Variants in IGSF10 observed in about 807,000 individuals in gnomAD.
IGSF10 encodes calvaria mechanical force protein 608.
In IGSF10, 126 loss-of-function variants were observed where a neutral mutation model predicts 128.2. The ratio of observed to expected loss-of-function variants is 0.98; its 90% CI spans 0.85 to 1.14. The LOEUF (loss-of-function observed/expected upper bound fraction) is 1.14. IGSF10 is among the 50% of genes most tolerant of loss of function. IGSF10 has a pLI of 0.00. For synonymous variants in IGSF10, 1,185 were observed against 1,146.2 expected (o/e 1.03, Z -0.68); for missense variants, 3,295 against 3,149.8 (o/e 1.05, Z -1.10).
the IGSF10 span, among the ~76,000 whole-genome samples, chr3:151,534,452 C>A: frequency 6.6e-6 from 1 of 152,166 alleles, no homozygotes; most frequent in Non-Finnish European, 1.5e-5. Context: ...AGCACATATA[C>A]ACCATGGAAT....
chr3:151,519,759 A>G, the IGSF10 span, among the ~76,000 whole-genome samples: 1 of 151,854 alleles, frequency 6.6e-6, no homozygotes, highest in Non-Finnish European at 1.5e-5. Context: ...TTGCTACTGT[A>G]CTGTGAATGA....
intron 6 of IGSF10, 144 bp downstream of exon 6, chr3:151,444,775 G>A: frequency 1.4e-6 from 1 of 699,442 alleles, no homozygotes; most frequent in Non-Finnish European, 2.3e-6. Context: ...AAATATGCCA[G>A]TGTCAAATGA....
intron 4 of IGSF10, among the ~76,000 whole-genome samples, chr3:151,454,513 G>A (rs1424932922): frequency 6.6e-6 from 1 of 151,982 alleles, no homozygotes; most frequent in African/African-American, 2.4e-5. Flanking sequence ...CATAACTATT[G>A]CAGCTGGGTA....
At chr3:151,455,527 G>A (rs1321041552) in intron 4 of IGSF10, among the ~76,000 whole-genome samples, 1 of 152,056 alleles carries the variant, frequency 6.6e-6, no homozygotes, top group African/African-American at 2.4e-5. Flanking sequence ...TTGTTTCCAT[G>A]GATTTGCCTA....
chr3:151,434,727 T>C (rs1164485533), downstream of IGSF10: 2 of 152,252 alleles, frequency 1.3e-5, no homozygotes, highest in Admixed American at 1.3e-4. Context: ...CCAAATTTCT[T>C]TGCCAGTTCA....
chr3:151,480,040 T>C, the IGSF10 span, among the ~76,000 whole-genome samples: 2 of 152,122 alleles, frequency 1.3e-5, no homozygotes, highest in Non-Finnish European at 2.9e-5. Context: ...TAGCCACATA[T>C]GAAGGTAAGC....
At chr3:151,508,608 G>A in the IGSF10 span, among the ~76,000 whole-genome samples, 1 of 152,146 alleles carries the variant, frequency 6.6e-6, no homozygotes, top group South Asian at 2.1e-4. Context: ...ACAGTGATCT[G>A]TGATCCTATG....
At chr3:151,435,041 A>T (rs1194944324), downstream of IGSF10, 2 of 144,230 alleles carry the variant, frequency 1.4e-5, no homozygotes, top group African/African-American at 5.2e-5. Context: ...CTCCCTGTTA[A>T]TTCTGTATCT....
chr3:151,535,814 A>G, the IGSF10 span, among the ~76,000 whole-genome samples: 1 of 152,170 alleles, frequency 6.6e-6, no homozygotes, highest in African/African-American at 2.4e-5. Context: ...TACATTTTCA[A>G]TAAAGAGAAT....
the IGSF10 span, among the ~76,000 whole-genome samples, chr3:151,481,756 G>A: frequency 2.6e-5 from 4 of 152,022 alleles, no homozygotes; most frequent in South Asian, 2.1e-4. Context: ...TATGACCCAC[G>A]GAAGACTCAG....
chr3:151,438,750 G>T (rs1391638396), intron 7 of IGSF10, among the ~76,000 whole-genome samples, 153 bp from the exon 8 acceptor site: 4 of 151,160 alleles, frequency 2.6e-5, no homozygotes, highest in African/African-American at 9.8e-5. Context: ...TTTTGAGAGA[G>T]ATATATATAC....
chr3:151,434,633 T>C (rs1257704973), downstream of IGSF10: 1 of 152,242 alleles, frequency 6.6e-6, no homozygotes, highest in Non-Finnish European at 1.5e-5. Flanking sequence ...AAGTAATATA[T>C]CTATATAATG....
the IGSF10 span, among the ~76,000 whole-genome samples, chr3:151,536,796 T>A: frequency 6.6e-6 from 1 of 152,224 alleles, no homozygotes. Flanking sequence ...TTTTGAAGTC[T>A]TAATTCTGTA....
At chr3:151,595,708 C>T in the IGSF10 span, among the ~76,000 whole-genome samples, 3 of 144,286 alleles carry the variant, frequency 2.1e-5, no homozygotes, top group African/African-American at 5.2e-5. Context: ...TGAGTGATCT[C>T]ACTGATATCT....
intron 5 of IGSF10, among the ~76,000 whole-genome samples, chr3:151,451,095 A>G (rs1257760356): frequency 2.6e-5 from 4 of 152,084 alleles, no homozygotes; most frequent in Non-Finnish European, 5.9e-5. Context: ...CAGGCCTTGG[A>G]CATCAGGTAT....
At chr3:151,461,701 C>G (rs1480817923), upstream of IGSF10, among the ~76,000 whole-genome samples, 1 of 152,172 alleles carries the variant, frequency 6.6e-6, no homozygotes, top group Non-Finnish European at 1.5e-5. Flanking sequence ...ATGTATGCTA[C>G]TGTGTATTCT....
At chr3:151,600,330 C>G in the IGSF10 span, among the ~76,000 whole-genome samples, 1 of 152,092 alleles carries the variant, frequency 6.6e-6, no homozygotes, top group East Asian at 1.9e-4. Flanking sequence ...ACTTTGGTCT[C>G]CTAGTCCTGC....
In IGSF10 at chr3:151,437,211, T is replaced by C; in HGVS notation, c.7350A>G (p.Leu2450=). The change falls in exon 8 of 8, where the codon CTA becomes CTG. Residue 2450 remains leucine, a synonymous_variant. Transcript: ENST00000282466. Reference sequence around the variant, plus strand: ...TTCCATCAGACACACAATGCAGTGATAGAGATTCTCCACTGATGCCTTTTA... The same window carrying C: ...TTCCATCAGACACACAATGCAGTGACAGAGATTCTCCACTGATGCCTTTTA... ...GTVKGISGES[L]SLHCVSDGIP... is the part of the protein sequence containing the mutation. The C allele has an allele frequency of 1.2e-6, 2 of 1,614,230 alleles. No homozygotes were observed. Among genetic ancestry groups the C allele is most frequent in the Admixed American group, 1.7e-5 (1 of 60,020 alleles).
chr3:151,607,716 C>A, the IGSF10 span, among the ~76,000 whole-genome samples: 1 of 151,566 alleles, frequency 6.6e-6, no homozygotes, highest in East Asian at 1.9e-4. Context: ...TAGAGACCAT[C>A]CTGGCTAATA....
Sources: allele counts gnomAD v4.1 joint callset (sites outside exome capture counted in the v4.1 genomes callset), GRCh38; gene constraint gnomAD v4.1.1; transcripts MANE v1.5; gene names NCBI Gene and HGNC (gene_info 2026-07-23, HGNC 2026-07-21).